Variants in UQCRC2 observed in about 807,000 individuals in gnomAD.
UQCRC2 encodes ubiquinol-cytochrome c reductase core protein 2.
Under a neutral mutation model 55.6 loss-of-function variants are expected in UQCRC2, and 49 were observed. The ratio of observed to expected loss-of-function variants is 0.88; its 90% confidence interval spans 0.70 to 1.12. UQCRC2 has a LOEUF of 1.12. UQCRC2 is among the 50% of genes most tolerant of loss of function. The pLI is 0.00. For synonymous variants in UQCRC2, 193 were observed against 192.0 expected, an observed-to-expected ratio of 1.01 and a Z score of -0.04; for missense variants, 506 against 547.8, an observed-to-expected ratio of 0.92 and a Z score of 0.76.
At chr16:21,963,041 T>G (rs1452923669) in intron 6 of UQCRC2, 156 bp downstream of exon 6, 1 of 988,186 alleles carries the variant, frequency 1.0e-6, no homozygotes, top group East Asian at 3.2e-5. Context: ...CAGGCTGGAG[T>G]GCAGTGGCAC....
chr16:21,969,676 C>T (rs1200089558), intron 8 of UQCRC2, among the ~76,000 whole-genome samples: 1 of 152,058 alleles, frequency 6.6e-6, no homozygotes, highest in Non-Finnish European at 1.5e-5. Flanking sequence ...CAAATTACAG[C>T]TTAAGATATA....
Position 21,968,670 on chromosome 16 carries a change from G to T in UQCRC2, c.655G>T (p.Ala219Ser). The T allele has an allele frequency of 6.2e-7, 1 of 1,609,150 alleles. No homozygotes were observed. The highest frequency in any genetic ancestry group is 8.5e-7 in the Non-Finnish European group (1 of 1,177,456). Residue 219 changes from alanine to serine, a missense_variant, in exon 8 of 14, where the codon GCT becomes TCT. Coordinates refer to ENST00000268379, the MANE Select transcript of UQCRC2 (RefSeq NM_003366.4). ...VQNHFTSARM[A>S]LIGLGVSHPV... ...GAACCATTTCACAAGTGCAAGAATG[G>T]CTTTGATTGGACTTGGTAAGTTTAG...
intron 4 of UQCRC2, among the ~76,000 whole-genome samples, chr16:21,960,287 CTATTA>C (rs1252652402): frequency 6.6e-6 from 1 of 152,214 alleles, no homozygotes; most frequent in Non-Finnish European, 1.5e-5. Flanking sequence ...TCACTGTGTA[CTATTA>C]TATTAAGAAG....
chr16:21,971,296 T>C (rs898396802), intron 8 of UQCRC2, among the ~76,000 whole-genome samples: 2 of 152,208 alleles, frequency 1.3e-5, no homozygotes, highest in Non-Finnish European at 2.9e-5. Context: ...TAATATTAAC[T>C]ACACAGAAAA....
chr16:21,967,336 T>C (rs1437636289), intron 7 of UQCRC2, among the ~76,000 whole-genome samples: 4 of 152,212 alleles, frequency 2.6e-5, no homozygotes, highest in Admixed American at 2.6e-4. Flanking sequence ...CTTTCCTTCC[T>C]GAGGAGCCTT....
At chr16:21,976,494 C>T in intron 12 of UQCRC2, 2 of 374,040 alleles carry the variant, frequency 5.3e-6, no homozygotes, top group Non-Finnish European at 9.8e-6. Flanking sequence ...GAGTTTGAGA[C>T]CAGCTTGGGC....
chr16:21,972,983 C>G (rs1328100985), intron 10 of UQCRC2, among the ~76,000 whole-genome samples: 2 of 152,154 alleles, frequency 1.3e-5, no homozygotes, highest in Non-Finnish European at 2.9e-5. Context: ...GCCTGTAGTC[C>G]CAGCTACTTG....
intron 8 of UQCRC2, among the ~76,000 whole-genome samples, chr16:21,969,088 A>T (rs1459560965): frequency 6.6e-6 from 1 of 152,198 alleles, no homozygotes; most frequent in Non-Finnish European, 1.5e-5. Flanking sequence ...CCTCACTAAT[A>T]ATTAAGAAAA....
intron 12 of UQCRC2, 40 bp downstream of exon 12, chr16:21,976,283 T>C: frequency 1.3e-6 from 2 of 1,493,822 alleles, no homozygotes; most frequent in Non-Finnish European, 1.9e-6. Context: ...TTTTTGTTAT[T>C]TGAAAGTTGT....
chr16:21,958,610 T>C lies in UQCRC2; in HGVS notation c.332+11T>C. The C allele has an allele frequency of 6.2e-7, 1 of 1,608,738 alleles. No homozygotes were observed. The highest frequency in any genetic ancestry group is 8.5e-7 in the Non-Finnish European group (1 of 1,177,262). The stretch of plus-strand genomic sequence containing the variant: ...TGGTGGCAAATTAAGGTTTGTTAAA[T>C]AAGTAATAGAAAATAGTGAAAATGC... On this transcript the variant is annotated intron_variant, in intron 4 of 13. Transcript: ENST00000268379.
intron 3 of UQCRC2, among the ~76,000 whole-genome samples, chr16:21,957,893 T>C (rs898760756): frequency 2.6e-5 from 4 of 152,240 alleles, no homozygotes; most frequent in African/African-American, 9.6e-5. Flanking sequence ...TGCAACTGCA[T>C]CACTGCAGTC....
At chr16:21,980,511 G>GCT in intron 12 of UQCRC2, 36 bp from the exon 13 acceptor site, 1 of 1,593,910 alleles carries the variant, frequency 6.3e-7, no homozygotes, top group Non-Finnish European at 8.5e-7. Flanking sequence ...TAATTGCCTT[G>GCT]CTCTCTAAAA....
chr16:21,980,084 C>T (rs1450534403), intron 12 of UQCRC2, among the ~76,000 whole-genome samples: 1 of 151,974 alleles, frequency 6.6e-6, no homozygotes, highest in African/African-American at 2.4e-5. Context: ...ATTAAATGCA[C>T]TTTTGACTGC....
intron 8 of UQCRC2, among the ~76,000 whole-genome samples, 167 bp downstream of exon 8, chr16:21,968,852 A>G (rs1898390762): frequency 6.6e-6 from 1 of 152,216 alleles, no homozygotes; most frequent in African/African-American, 2.4e-5. Flanking sequence ...TTTGTTTTGG[A>G]AAGCAGAATC....
At chr16:21,972,316 T>G (rs1898482796) in intron 10 of UQCRC2, among the ~76,000 whole-genome samples, 194 bp downstream of exon 10, 2 of 152,208 alleles carry the variant, frequency 1.3e-5, no homozygotes, top group South Asian at 4.1e-4. Flanking sequence ...CTTTGTCTAT[T>G]ACTTGTCATT....
At chr16:21,962,542 T>A (rs1898228930) in intron 5 of UQCRC2, 26 bp downstream of exon 5, 1 of 1,613,888 alleles carries the variant, frequency 6.2e-7, no homozygotes, top group African/African-American at 1.3e-5. Flanking sequence ...TGTTTAGGAC[T>A]TCTGCTTTGA....
chr16:21,965,652 C>G, intron 7 of UQCRC2, 147 bp downstream of exon 7: 1 of 598,384 alleles, frequency 1.7e-6, no homozygotes. Context: ...TGCTTTTTAA[C>G]TAAAATTTTA....
At chr16:21,960,760 A>G (rs1898180938) in intron 4 of UQCRC2, among the ~76,000 whole-genome samples, 1 of 152,184 alleles carries the variant, frequency 6.6e-6, no homozygotes, top group Non-Finnish European at 1.5e-5. Context: ...GGAATATCCA[A>G]AGAGAGGGAG....
intron 1 of UQCRC2, among the ~76,000 whole-genome samples, chr16:21,954,168 C>T (rs146182723): frequency 8.5e-5 from 13 of 152,278 alleles, no homozygotes; most frequent in Non-Finnish European, 1.3e-4. Flanking sequence ...TAGCGAGGGA[C>T]AGAATGCCCC....
Sources: allele counts gnomAD v4.1 joint callset (sites outside exome capture counted in the v4.1 genomes callset), GRCh38; gene constraint gnomAD v4.1.1; transcripts MANE v1.5; gene names NCBI Gene and HGNC (gene_info 2026-07-23, HGNC 2026-07-21).